Variants in ANKS1B observed in about 807,000 individuals in gnomAD.
ANKS1B encodes the protein ankyrin repeat and sterile alpha motif domain-containing protein 1B.
In ANKS1B, 36 loss-of-function variants were observed where a neutral mutation model predicts 148.3. That is an observed-to-expected ratio of 0.24 (90% CI 0.19 to 0.32). The LOEUF is 0.32. Among genes scored for constraint, ANKS1B ranks in the 10% least tolerant of loss-of-function variants. The probability of loss-of-function intolerance (pLI) is 1.00; values close to 1 mark genes in which losing one functional copy is unlikely to be tolerated. For synonymous variants in ANKS1B, 542 were observed against 560.8 expected, an observed-to-expected ratio of 0.97 and a Z score of 0.47; for missense variants, 1,157 against 1,542.6, an observed-to-expected ratio of 0.75 and a Z score of 4.19.
chr12:99,783,151 A>G (rs941311432), intron 4 of ANKS1B, among the ~76,000 whole-genome samples: 3 of 151,272 alleles, frequency 2.0e-5, no homozygotes, highest in Non-Finnish European at 4.4e-5. Context: ...AGATCGCACC[A>G]CTGCACTCCA....
At chr12:99,289,407 T>G (rs925232177) in intron 12 of ANKS1B, among the ~76,000 whole-genome samples, 7 of 152,076 alleles carry the variant, frequency 4.6e-5, no homozygotes, top group Non-Finnish European at 1.0e-4. Flanking sequence ...ATCTATACTA[T>G]AGAACAAATG....
chr12:98,864,688 A>T (rs1370974246), intron 17 of ANKS1B, among the ~76,000 whole-genome samples: 1 of 152,186 alleles, frequency 6.6e-6, no homozygotes, highest in African/African-American at 2.4e-5. Flanking sequence ...ATACCTTTCT[A>T]TGTATGTATA....
At chr12:99,128,325 C>T (rs2065025110) in intron 15 of ANKS1B, among the ~76,000 whole-genome samples, 1 of 152,196 alleles carries the variant, frequency 6.6e-6, no homozygotes, top group Non-Finnish European at 1.5e-5. Context: ...CTATAAATAA[C>T]ATTGTGGCCT....
At chr12:99,102,941 T>C (rs2058320973) in intron 15 of ANKS1B, among the ~76,000 whole-genome samples, 1 of 151,212 alleles carries the variant, frequency 6.6e-6, no homozygotes, top group African/African-American at 2.4e-5. Flanking sequence ...AACATAACGC[T>C]CAGAGCAGGT....
intron 12 of ANKS1B, among the ~76,000 whole-genome samples, chr12:99,378,208 G>A (rs1041734453): frequency 3.3e-5 from 5 of 152,276 alleles, no homozygotes; most frequent in African/African-American, 1.2e-4. Context: ...CTAAGGAAGT[G>A]TCTTTCATCA....
chr12:99,061,783 C>T (rs1396608561), intron 16 of ANKS1B, among the ~76,000 whole-genome samples: 1 of 152,130 alleles, frequency 6.6e-6, no homozygotes, highest in Non-Finnish European at 1.5e-5. Context: ...TTTGACATTA[C>T]ATTGTATTAT....
At chr12:99,192,461 C>G (rs2080862973) in intron 14 of ANKS1B, among the ~76,000 whole-genome samples, 1 of 152,076 alleles carries the variant, frequency 6.6e-6, no homozygotes, top group South Asian at 2.1e-4. Flanking sequence ...TTTGTACTAT[C>G]TGAAATACAT....
At chr12:99,510,096 A>G (rs888430207) in intron 9 of ANKS1B, among the ~76,000 whole-genome samples, 3 of 152,018 alleles carry the variant, frequency 2.0e-5, no homozygotes, top group Non-Finnish European at 4.4e-5. Flanking sequence ...TATTCACAAG[A>G]AAAGATTCCT....
intron 9 of ANKS1B, among the ~76,000 whole-genome samples, chr12:99,640,125 T>C (rs2098287046): frequency 6.6e-6 from 1 of 152,088 alleles, no homozygotes; most frequent in Non-Finnish European, 1.5e-5. Context: ...TGAGCCAAGA[T>C]TGTGCCACTG....
chr12:99,381,698 G>C (rs2093649393), intron 12 of ANKS1B, among the ~76,000 whole-genome samples: 1 of 152,226 alleles, frequency 6.6e-6, no homozygotes, highest in Non-Finnish European at 1.5e-5. Flanking sequence ...AGATCCAAAA[G>C]TGAGTCCAGG....
chr12:99,575,744 A>G (rs1243540858), intron 9 of ANKS1B, among the ~76,000 whole-genome samples: 2 of 152,098 alleles, frequency 1.3e-5, no homozygotes, highest in African/African-American at 4.8e-5. Flanking sequence ...ACAGTTCAAG[A>G]TGAGATTTGG....
intron 12 of ANKS1B, among the ~76,000 whole-genome samples, chr12:99,346,857 G>T (rs1448581198): frequency 6.6e-6 from 1 of 151,880 alleles, no homozygotes; most frequent in Non-Finnish European, 1.5e-5. Context: ...TTCACCTACT[G>T]CCAGTCAAAG....
At chr12:99,889,992 T>C (rs990624135) in intron 1 of ANKS1B, among the ~76,000 whole-genome samples, 1 of 152,148 alleles carries the variant, frequency 6.6e-6, no homozygotes, top group Admixed American at 6.5e-5. Context: ...ACTGTCATAG[T>C]TGAAAACCAC....
intron 8 of ANKS1B, among the ~76,000 whole-genome samples, chr12:99,697,325 A>G (rs2054087889): frequency 6.6e-6 from 1 of 152,214 alleles, no homozygotes. Flanking sequence ...CAAACTTGGA[A>G]GCAACTAAAA....
intron 9 of ANKS1B, among the ~76,000 whole-genome samples, chr12:99,605,346 C>T (rs1270155273): frequency 6.6e-6 from 1 of 151,758 alleles, no homozygotes; most frequent in Non-Finnish European, 1.5e-5. Context: ...ATTAAAAATC[C>T]TCTCTTCTAG....
At chr12:99,265,702 C>T (rs1363962004) in intron 12 of ANKS1B, among the ~76,000 whole-genome samples, 1 of 152,142 alleles carries the variant, frequency 6.6e-6, no homozygotes, top group Non-Finnish European at 1.5e-5. Flanking sequence ...CCAACTGTGA[C>T]AATGTTCCCC....
chr12:99,968,753 G>C (rs760872600), intron 1 of ANKS1B, among the ~76,000 whole-genome samples: 1 of 152,178 alleles, frequency 6.6e-6, no homozygotes, highest in African/African-American at 2.4e-5. Flanking sequence ...GATCATGGGA[G>C]TGGACCCCTC....
intron 1 of ANKS1B, among the ~76,000 whole-genome samples, chr12:99,912,598 C>G (rs1322016578): frequency 6.6e-6 from 1 of 152,060 alleles, no homozygotes; most frequent in South Asian, 2.1e-4. Flanking sequence ...GCAATCTGCC[C>G]GTTTCAGCCT....
At chr12:99,155,120 C>T in intron 14 of ANKS1B, 2 of 1,500,362 alleles carry the variant, frequency 1.3e-6, no homozygotes, top group Non-Finnish European at 1.8e-6. Context: ...TTTTACGTTT[C>T]AAAAGACACC....
Sources: gnomAD v4.1 joint callset for allele counts (sites outside exome capture counted in the v4.1 genomes callset) on GRCh38, gnomAD v4.1.1 for gene constraint, MANE v1.5 for transcripts, NCBI Gene and HGNC (gene_info 2026-07-23, HGNC 2026-07-21) for gene names.